Variants in NRG3 observed in about 807,000 individuals in gnomAD.
The protein encoded by NRG3 is pro-neuregulin-3, membrane-bound isoform.
Under a neutral mutation model 66.9 loss-of-function variants are expected in NRG3, and 31 were observed. The observed-to-expected ratio is 0.46, with a 90% CI of 0.35 to 0.63. The LOEUF is 0.63. Among genes scored for constraint, NRG3 ranks in the 20% least tolerant of loss-of-function variants. The pLI, the probability that NRG3 is intolerant of heterozygous loss-of-function variation, is 0.00. For missense variants in NRG3, 910 were observed against 878.9 expected (o/e 1.04, Z -0.45); for synonymous variants, 393 against 359.4 (o/e 1.09, Z -1.06).
chr10:82,739,343 A>G (rs1591370643), intron 3 of NRG3, among the ~76,000 whole-genome samples: 1 of 152,256 alleles, frequency 6.6e-6, no homozygotes, highest in Non-Finnish European at 1.5e-5. Flanking sequence ...TGTTCTTTCA[A>G]TAGCTGCTAG....
At chr10:82,055,801 T>C (rs1377021115) in intron 1 of NRG3, among the ~76,000 whole-genome samples, 5 of 152,134 alleles carry the variant, frequency 3.3e-5, no homozygotes, top group Non-Finnish European at 7.3e-5. Flanking sequence ...TGAGAAGGGC[T>C]GGAACAGGCA....
chr10:82,929,846 A>G (rs1356715699), intron 4 of NRG3, among the ~76,000 whole-genome samples: 1 of 150,164 alleles, frequency 6.7e-6, no homozygotes, highest in Non-Finnish European at 1.5e-5. Context: ...ACTGCACTCC[A>G]GCCTGGGAGA....
chr10:82,382,639 A>G (rs981293596), intron 2 of NRG3, among the ~76,000 whole-genome samples: 3 of 152,014 alleles, frequency 2.0e-5, no homozygotes, highest in African/African-American at 7.2e-5. Flanking sequence ...ATACTATTTT[A>G]TTGATCCAGC....
chr10:82,675,612 G>A (rs555448652), intron 2 of NRG3, among the ~76,000 whole-genome samples: 6 of 152,280 alleles, frequency 3.9e-5, no homozygotes, highest in Admixed American at 2.0e-4. Context: ...TGCCTAGCCT[G>A]GTGGTCTCTC....
At chr10:82,014,208 A>T (rs899186438) in intron 1 of NRG3, among the ~76,000 whole-genome samples, 6 of 152,194 alleles carry the variant, frequency 3.9e-5, no homozygotes, top group Non-Finnish European at 7.3e-5. Flanking sequence ...TAGACTGGGC[A>T]GTTCCTCTGT....
At chr10:82,658,905 A>G (rs1037474739) in intron 2 of NRG3, among the ~76,000 whole-genome samples, 1 of 152,210 alleles carries the variant, frequency 6.6e-6, no homozygotes, top group South Asian at 2.1e-4. Flanking sequence ...TAGCTATGCC[A>G]TTTTGAAGGG....
chr10:82,310,793 C>T (rs1320307245), intron 1 of NRG3, among the ~76,000 whole-genome samples: 3 of 152,166 alleles, frequency 2.0e-5, no homozygotes, highest in African/African-American at 7.2e-5. Flanking sequence ...TGCTCTCTCT[C>T]TTCCCCTCTC....
intron 1 of NRG3, among the ~76,000 whole-genome samples, chr10:82,176,323 A>G (rs1454104964): frequency 6.6e-6 from 1 of 152,118 alleles, no homozygotes; most frequent in Non-Finnish European, 1.5e-5. Context: ...ACTCTTTCTC[A>G]GGAGCATATA....
At chr10:82,865,282 G>T (rs1456114339) in intron 3 of NRG3, 129 bp from the exon 4 acceptor site, 43 of 776,880 alleles carry the variant, frequency 5.5e-5, no homozygotes, top group Non-Finnish European at 8.9e-5. Context: ...GCAAACATAG[G>T]GGTTAAAATT....
intron 1 of NRG3, among the ~76,000 whole-genome samples, chr10:81,905,852 C>T (rs1003619822): frequency 2.6e-5 from 4 of 152,130 alleles, no homozygotes; most frequent in African/African-American, 7.2e-5. Flanking sequence ...TGGAATTTGC[C>T]TTCTTAAGAG....
intron 2 of NRG3, among the ~76,000 whole-genome samples, chr10:82,407,893 A>G (rs1467791874): frequency 1.3e-5 from 2 of 151,988 alleles, no homozygotes; most frequent in Admixed American, 1.3e-4. Context: ...ACATGGTGAA[A>G]CCCTGTCTCT....
In NRG3 at chr10:82,027,238, A is replaced by G. The variant is rs549904616; in HGVS notation, c.823+151075A>G. On this transcript the variant is annotated intron_variant, in intron 1 of 8. Coordinates refer to ENST00000372141, the MANE Select transcript of NRG3 (RefSeq NM_001010848.4). ...CATAGGAATATGCTTTAGAAAACTA[A>G]GCAAAGTATAAGTAAAGGGAATATT... Among the ~76,000 whole-genome samples, 271 of 152,268 alleles carry G rather than the reference A, an allele frequency of 1.8e-3. 1 individual carries two copies. Among genetic ancestry groups the G allele is most frequent in the Non-Finnish European group, 3.4e-3 (228 of 67,998 alleles).
chr10:81,953,796 A>G (rs990948115), intron 1 of NRG3, among the ~76,000 whole-genome samples: 1 of 152,202 alleles, frequency 6.6e-6, no homozygotes, highest in Admixed American at 6.5e-5. Flanking sequence ...ATTTTTCTAA[A>G]ATGAAAGCAG....
At chr10:82,971,619 T>G (rs1851750418) in intron 6 of NRG3, among the ~76,000 whole-genome samples, 1 of 152,036 alleles carries the variant, frequency 6.6e-6, no homozygotes, top group East Asian at 1.9e-4. Flanking sequence ...GTACTTTTAG[T>G]AGAGACAGGG....
intron 2 of NRG3, among the ~76,000 whole-genome samples, chr10:82,563,994 A>C (rs189672931): frequency 1.3e-5 from 2 of 152,132 alleles, no homozygotes; most frequent in African/African-American, 4.8e-5. Flanking sequence ...CAATGATATT[A>C]AACAAATTAA....
intron 2 of NRG3, among the ~76,000 whole-genome samples, chr10:82,619,240 C>T: frequency 6.6e-6 from 1 of 152,170 alleles, no homozygotes; most frequent in South Asian, 2.1e-4. Context: ...AAAAAGTTTT[C>T]TCTAGAAAGC....
At chr10:82,019,690 A>T (rs192216382) in intron 1 of NRG3, among the ~76,000 whole-genome samples, 1 of 152,052 alleles carries the variant, frequency 6.6e-6, no homozygotes, top group African/African-American at 2.4e-5. Context: ...CGAGGAATTT[A>T]TCCATTTCTT....
chr10:82,536,437 T>A (rs563700814), intron 2 of NRG3, among the ~76,000 whole-genome samples: 1 of 152,320 alleles, frequency 6.6e-6, no homozygotes, highest in African/African-American at 2.4e-5. Flanking sequence ...TTTCTCTATT[T>A]TACAAACAGC....
chr10:81,933,328 G>C (rs1381286506), intron 1 of NRG3, among the ~76,000 whole-genome samples: 1 of 152,010 alleles, frequency 6.6e-6, no homozygotes, highest in African/African-American at 2.4e-5. Flanking sequence ...CTGCAAGATA[G>C]ATACTTATGT....
Sources: allele counts gnomAD v4.1 joint callset (sites outside exome capture counted in the v4.1 genomes callset), GRCh38; gene constraint gnomAD v4.1.1; transcripts MANE v1.5; gene names NCBI Gene and HGNC (gene_info 2026-07-23, HGNC 2026-07-21).